Variants in MED13L observed in about 807,000 individuals in gnomAD.
MED13L encodes the protein mediator of RNA polymerase II transcription subunit 13-like.
In MED13L, 7 loss-of-function variants were observed where a neutral mutation model predicts 220.9. That is an observed-to-expected ratio of 0.03 (90% CI 0.02 to 0.06). The LOEUF is 0.06. Ranked by LOEUF, MED13L falls within the 10% of genes least tolerant of loss-of-function variation. The pLI, the probability that MED13L is intolerant of heterozygous loss-of-function variation, is 1.00. For missense variants in MED13L, 1,965 were observed against 2,760.5 expected (o/e 0.71, Z 6.46); for synonymous variants, 1,011 against 1,015.2 (o/e 1.00, Z 0.08).
intron 2 of MED13L, among the ~76,000 whole-genome samples, chr12:116,192,998 C>G (rs1204735741): frequency 6.6e-6 from 1 of 152,282 alleles, no homozygotes; most frequent in African/African-American, 2.4e-5. Context: ...CATGGTGGCA[C>G]GTGCCTGTAG....
intron 2 of MED13L, among the ~76,000 whole-genome samples, chr12:116,180,676 C>G (rs1031055161): frequency 1.2e-4 from 18 of 152,142 alleles, no homozygotes; most frequent in African/African-American, 3.9e-4. Flanking sequence ...CCGCCCTCCT[C>G]AACTACTAAA....
At chr12:116,080,894 AG>A (rs1243946717) in intron 4 of MED13L, among the ~76,000 whole-genome samples, 4 of 152,246 alleles carry the variant, frequency 2.6e-5, no homozygotes, top group African/African-American at 9.6e-5. Flanking sequence ...ATTTGTACTT[AG>A]TAACTAGAAC....
chr12:116,173,251 A>T (rs1163212971), intron 2 of MED13L, among the ~76,000 whole-genome samples: 2 of 152,202 alleles, frequency 1.3e-5, no homozygotes, highest in Non-Finnish European at 2.9e-5. Context: ...AAAAAATGAC[A>T]TTACTACTTT....
At chr12:116,189,403 C>T (rs1881123819) in intron 2 of MED13L, among the ~76,000 whole-genome samples, 1 of 152,012 alleles carries the variant, frequency 6.6e-6, no homozygotes, top group African/African-American at 2.4e-5. Flanking sequence ...CAAGTACTAG[C>T]TCTCTGTCAG....
intron 2 of MED13L, among the ~76,000 whole-genome samples, chr12:116,227,989 G>C (rs1279429623): frequency 3.3e-5 from 5 of 152,038 alleles, no homozygotes; most frequent in Admixed American, 3.3e-4. Flanking sequence ...GCAAACACAT[G>C]AATGATAAGA....
At chr12:116,060,434 C>T (rs543474999) in intron 4 of MED13L, among the ~76,000 whole-genome samples, 2 of 151,560 alleles carry the variant, frequency 1.3e-5, no homozygotes, top group African/African-American at 2.4e-5. Flanking sequence ...AAAAATTAGC[C>T]GGGCACTGTG....
intron 25 of MED13L, chr12:115,972,470 T>C: frequency 3.8e-6 from 2 of 519,534 alleles, no homozygotes. Context: ...ATGTCTGAAA[T>C]GACCTTTGAG....
At chr12:116,191,692 T>A (rs886887542) in intron 2 of MED13L, among the ~76,000 whole-genome samples, 16 of 152,110 alleles carry the variant, frequency 1.1e-4, no homozygotes, top group African/African-American at 3.4e-4. Flanking sequence ...CATAGAAATA[T>A]GCGTTTTGCC....
chr12:116,103,999 C>CTTT (rs36066243), intron 3 of MED13L, among the ~76,000 whole-genome samples: 2,296 of 57,496 alleles, frequency 0.04, 350 homozygotes, highest in Non-Finnish European at 0.054. Flanking sequence ...GGACATTGCT[C>CTTT]TTTTTTTTTT....
At chr12:116,136,218 T>TG (rs1876538592) in intron 2 of MED13L, among the ~76,000 whole-genome samples, 1 of 152,166 alleles carries the variant, frequency 6.6e-6, no homozygotes, top group Non-Finnish European at 1.5e-5. Flanking sequence ...TTCTTTTGGC[T>TG]GTTGTTGTGT....
chr12:116,045,205 C>T (rs546728068), intron 4 of MED13L, among the ~76,000 whole-genome samples: 7 of 152,264 alleles, frequency 4.6e-5, no homozygotes, highest in East Asian at 1.9e-4. Flanking sequence ...ATGTTCAAAA[C>T]GATAATAAAA....
At chr12:116,265,223 A>T (rs938899618) in intron 1 of MED13L, among the ~76,000 whole-genome samples, 1 of 152,252 alleles carries the variant, frequency 6.6e-6, no homozygotes, top group African/African-American at 2.4e-5. Context: ...TTTACCTTTA[A>T]GTCAGAGAAA....
intron 4 of MED13L, among the ~76,000 whole-genome samples, chr12:116,094,730 T>C (rs1323429307): frequency 1.3e-5 from 2 of 152,170 alleles, no homozygotes; most frequent in Admixed American, 1.3e-4. Flanking sequence ...TGGACAGATG[T>C]ACTCAGAATG....
intron 2 of MED13L, among the ~76,000 whole-genome samples, chr12:116,203,655 A>G (rs1258983170): frequency 5.9e-5 from 9 of 152,024 alleles, no homozygotes; most frequent in Admixed American, 5.2e-4. Flanking sequence ...CCCCATCTCT[A>G]CTAAATATAC....
intron 19 of MED13L, among the ~76,000 whole-genome samples, chr12:115,985,673 G>A (rs1458869929): frequency 2.6e-5 from 4 of 151,892 alleles, no homozygotes; most frequent in Non-Finnish European, 2.9e-5. Flanking sequence ...TAAAGCAACA[G>A]GAATTCATAT....
In MED13L at chr12:116,133,419, GCTCAAT is replaced by G. The variant is rs1235397833; in HGVS notation, c.311-21913_311-21908del. ...GGAAACAGCCTGTGCCTGAAGAAGA[GCTCAAT>G]TCAGCATGACGGTAGACCAGGCTGG... On this transcript the variant is annotated intron_variant, in intron 2 of 30. Coordinates refer to ENST00000281928, the MANE Select transcript of MED13L (RefSeq NM_015335.5). 8.7e-4 allele frequency among the ~76,000 whole-genome samples: 132 copies of G among 152,262 alleles called. 1 individual carries two copies. The Middle Eastern group carries it at 0.017, about 20-fold the overall frequency.
chr12:116,055,081 T>C (rs1394902397), intron 4 of MED13L, among the ~76,000 whole-genome samples: 6 of 152,202 alleles, frequency 3.9e-5, no homozygotes, highest in African/African-American at 1.4e-4. Context: ...GCATAAAGTA[T>C]ACGCTATTAA....
chr12:116,019,654 G>C (rs1879936398), intron 6 of MED13L, 124 bp downstream of exon 6: 1 of 1,233,714 alleles, frequency 8.1e-7, no homozygotes, highest in Non-Finnish European at 1.2e-6. Context: ...ATACCATTGT[G>C]TCAAGAGAAT....
intron 4 of MED13L, among the ~76,000 whole-genome samples, chr12:116,064,138 A>T (rs1389083762): frequency 1.3e-5 from 2 of 152,092 alleles, no homozygotes; most frequent in African/African-American, 4.8e-5. Flanking sequence ...GCAGTGAGCC[A>T]CGAATGTGCC....
Sources: allele counts gnomAD v4.1 joint callset (sites outside exome capture counted in the v4.1 genomes callset), GRCh38; gene constraint gnomAD v4.1.1; transcripts MANE v1.5; gene names NCBI Gene and HGNC (gene_info 2026-07-23, HGNC 2026-07-21).